Variants in WDR19 observed in about 807,000 individuals in gnomAD.
The protein encoded by WDR19 is WD repeat domain 19, also known as WD repeat-containing protein 19.
WDR19 carries 121 observed loss-of-function variants against 180.0 expected under a neutral mutation model. The observed-to-expected ratio is 0.67, with a 90% CI of 0.58 to 0.78. WDR19 has a LOEUF of 0.78. Among genes scored for constraint, WDR19 ranks in the 30% least tolerant of loss-of-function variants. The probability of loss-of-function intolerance (pLI) is 0.00; values close to 1 mark genes in which losing one functional copy is unlikely to be tolerated. For missense variants in WDR19, 1,450 were observed against 1,640.7 expected (o/e 0.88, Z 2.01); for synonymous variants, 497 against 540.7 (o/e 0.92, Z 1.12).
At chr4:39,191,921 T>A (rs1448686627) in intron 4 of WDR19, among the ~76,000 whole-genome samples, 9 of 152,252 alleles carry the variant, frequency 5.9e-5, no homozygotes, top group Admixed American at 6.5e-5. Flanking sequence ...AATTGTTATA[T>A]GTTGTCCTGA....
intron 32 of WDR19, chr4:39,274,047 A>G (rs1031041569): frequency 6.6e-6 from 1 of 152,244 alleles, no homozygotes; most frequent in African/African-American, 2.4e-5. Context: ...CTGTGTTTCA[A>G]TAGAGCTTTA....
At position 39,232,244 on chromosome 4, in the gene WDR19, C is replaced by T. The variant is rs751845942; in HGVS notation, c.2225C>T (p.Ala742Val). 6.2e-7 allele frequency: 1 copy of T among 1,611,690 alleles called. No homozygotes were observed. The highest frequency in any genetic ancestry group is 1.3e-5 in the African/African-American group (1 of 74,890). Reference sequence around the variant, plus strand: ...AACCTGGCTCAGGACTTGTACCTTGCATCCAGCTGTCCTATTGCTGCCCTG... The same window carrying T: ...AACCTGGCTCAGGACTTGTACCTTGTATCCAGCTGTCCTATTGCTGCCCTG... ...DYNLAQDLYL[A>V]SSCPIAALEM... The change falls in exon 19 of 37, where the codon GCA (alanine) becomes GTA (valine). Residue 742 changes from alanine (A) to valine (V), a missense_variant. Coordinates refer to ENST00000399820, the MANE Select transcript of WDR19 (RefSeq NM_025132.4).
Position 39,245,395 on chromosome 4 carries a change from A to G in WDR19, c.2672A>G (p.His891Arg), listed in dbSNP as rs775183048. 6.2e-7 allele frequency: 1 copy of G among 1,613,690 alleles called. No homozygotes were observed. Among genetic ancestry groups the G allele is most frequent in the Non-Finnish European group, 8.5e-7 (1 of 1,179,782 alleles). The change falls in exon 24 of 37, where the codon CAC becomes CGC. Residue 891 changes from histidine (H) to arginine (R), a missense_variant. By Grantham distance (29) the His-to-Arg change is conservative. Transcript: ENST00000399820. ...NWAKVGDLLP[H>R]VSSPKIHLQY... ...GCAAAAGTTGGTGATCTTCTGCCCC[A>G]CGTTTCTTCTCCTAAGATCCATTTG... is the stretch of plus-strand genomic sequence containing the variant.
At chr4:39,253,849 T>G in intron 25 of WDR19, 57 bp from the exon 26 acceptor site, 1 of 1,466,514 alleles carries the variant, frequency 6.8e-7, no homozygotes, top group Non-Finnish European at 9.2e-7. Flanking sequence ...GGTTGAAAAA[T>G]TTTGTAAATC....
chr4:39,239,660 C>T (rs2109391603), intron 20 of WDR19, among the ~76,000 whole-genome samples: 1 of 152,132 alleles, frequency 6.6e-6, no homozygotes, highest in South Asian at 2.1e-4. Context: ...TGCACGTGTA[C>T]CCCCGAATTT....
intron 2 of WDR19, 82 bp downstream of exon 2, chr4:39,185,899 G>GTTTTTT: frequency 1.3e-6 from 1 of 797,296 alleles, no homozygotes. Flanking sequence ...TTTTTTTGTT[G>GTTTTTT]TTGTTTTTTT....
intron 4 of WDR19, among the ~76,000 whole-genome samples, chr4:39,191,886 A>C (rs1726182449): frequency 6.6e-6 from 1 of 152,160 alleles, no homozygotes. Flanking sequence ...TATTCTTTAA[A>C]TTTTGCTTGG....
chr4:39,218,588 G>A (rs979721133), intron 14 of WDR19: 12 of 153,150 alleles, frequency 7.8e-5, no homozygotes, highest in African/African-American at 2.9e-4. Flanking sequence ...GTGAGTGAGT[G>A]AGTGGTGAGT....
chr4:39,245,208 A>C (rs1732392832), intron 23 of WDR19, among the ~76,000 whole-genome samples, 161 bp from the exon 24 acceptor site: 1 of 151,702 alleles, frequency 6.6e-6, no homozygotes, highest in Admixed American at 6.6e-5. Context: ...CAGCCTTCCA[A>C]AGTTCTGGGA....
At chr4:39,278,762 A>C in intron 36 of WDR19, 99 bp downstream of exon 36, 1 of 585,444 alleles carries the variant, frequency 1.7e-6, no homozygotes, top group Non-Finnish European at 2.9e-6. Context: ...TCAGTGCACC[A>C]TGGAACTTGC....
intron 20 of WDR19, 34 bp from the exon 21 acceptor site, chr4:39,240,243 A>G: frequency 8.5e-7 from 1 of 1,173,390 alleles, no homozygotes; most frequent in Non-Finnish European, 1.1e-6. Flanking sequence ...ATATATATTA[A>G]AATTATTAAA....
intron 17 of WDR19, among the ~76,000 whole-genome samples, chr4:39,230,553 G>T (rs183447443): frequency 1.3e-5 from 2 of 152,296 alleles, no homozygotes; most frequent in East Asian, 3.9e-4. Context: ...AGTGGGTAGG[G>T]TTATTAGGGT....
At chr4:39,244,104 A>C in intron 21 of WDR19, 144 bp from the exon 22 acceptor site, 1 of 1,006,388 alleles carries the variant, frequency 9.9e-7, no homozygotes, top group East Asian at 2.7e-5. Flanking sequence ...CTCAAGTGTT[A>C]TTTTAAAATC....
At chr4:39,186,726 TG>T (rs1031642239) in intron 3 of WDR19, 122 bp downstream of exon 3, 19 of 671,578 alleles carry the variant, frequency 2.8e-5, no homozygotes, top group African/African-American at 7.6e-5. Context: ...CAAAGGGATT[TG>T]TTTTTTTAGC....
At chr4:39,276,907 GA>G (rs770925127) in intron 33 of WDR19, 112 bp from the exon 34 acceptor site, 3 of 1,331,354 alleles carry the variant, frequency 2.3e-6, no homozygotes, top group Non-Finnish European at 3.2e-6. Flanking sequence ...CCCAGAGTCT[GA>G]CTATGAAGTA....
chr4:39,271,374 T>C (rs1323087308), intron 31 of WDR19, among the ~76,000 whole-genome samples: 1 of 152,234 alleles, frequency 6.6e-6, no homozygotes, highest in Non-Finnish European at 1.5e-5. Context: ...CAAACAAAAA[T>C]AGATCCTGCA....
chr4:39,246,951 A>T (rs1468573873), intron 24 of WDR19, among the ~76,000 whole-genome samples: 1 of 152,248 alleles, frequency 6.6e-6, no homozygotes, highest in African/African-American at 2.4e-5. Context: ...AACAAAAGAC[A>T]GCAATAACCT....
intron 13 of WDR19, 147 bp downstream of exon 13, chr4:39,217,387 C>T (rs1729173233): frequency 3.1e-6 from 2 of 647,776 alleles, no homozygotes; most frequent in Non-Finnish European, 5.2e-6. Flanking sequence ...AACCCTTCCC[C>T]TTCTATATTA....
chr4:39,233,294 A>G (rs1731064700), intron 19 of WDR19, among the ~76,000 whole-genome samples: 1 of 152,162 alleles, frequency 6.6e-6, no homozygotes, highest in South Asian at 2.1e-4. Flanking sequence ...AAGAAGGGAA[A>G]CCTGGCAATA....
Sources: gnomAD v4.1 joint callset for allele counts (sites outside exome capture counted in the v4.1 genomes callset) on GRCh38, gnomAD v4.1.1 for gene constraint, MANE v1.5 for transcripts, NCBI Gene and HGNC (gene_info 2026-07-23, HGNC 2026-07-21) for gene names.